Variants in ANGPT1 observed in about 807,000 individuals in gnomAD.
ANGPT1 encodes the protein angiopoietin-1.
Under a neutral mutation model 62.2 loss-of-function variants are expected in ANGPT1, and 17 were observed. The observed-to-expected ratio is 0.27, with a 90% CI of 0.19 to 0.41. The LOEUF (loss-of-function observed/expected upper bound fraction) is 0.41. ANGPT1 is among the 10% of genes least tolerant of loss of function. ANGPT1 has a pLI of 1.00. For missense variants in ANGPT1, 478 were observed against 594.9 expected, an observed-to-expected ratio of 0.80 and a Z score of 2.04; for synonymous variants, 199 against 198.9, an observed-to-expected ratio of 1.00 and a Z score of 0.00.
chr8:107,384,356 A>G (rs1199122237), intron 1 of ANGPT1, among the ~76,000 whole-genome samples: 1 of 152,162 alleles, frequency 6.6e-6, no homozygotes, highest in Non-Finnish European at 1.5e-5. Flanking sequence ...GAAAAATAAC[A>G]TCTAACTTTC....
chr8:107,480,477 A>C (rs550001361), intron 1 of ANGPT1, among the ~76,000 whole-genome samples: 15 of 152,332 alleles, frequency 9.8e-5, no homozygotes, highest in African/African-American at 3.4e-4. Flanking sequence ...CTCCAAAGTA[A>C]TCAGCAGTTT....
chr8:107,313,903 TGA>T (rs2130028833), intron 4 of ANGPT1, among the ~76,000 whole-genome samples: 1 of 152,354 alleles, frequency 6.6e-6, no homozygotes, highest in East Asian at 1.9e-4. Context: ...AAAAATTTCA[TGA>T]GGTCTTCACT....
intron 2 of ANGPT1, among the ~76,000 whole-genome samples, chr8:107,344,194 G>A (rs776367482): frequency 6.6e-6 from 1 of 152,136 alleles, no homozygotes; most frequent in East Asian, 1.9e-4. Context: ...ATTATTAGAG[G>A]CAAATTTTAA....
Position 107,406,083 on chromosome 8 carries a change from TTAA to T in ANGPT1, c.298-58989_298-58987del, listed in dbSNP as rs557163779. ...TTAAAATAGTTTTTAATCTTTTTCA[TTAA>T]TAATTAAAATATAATATGTAATTGG... On this transcript the variant is annotated intron_variant, in intron 1 of 8. Transcript: ENST00000517746. Among the ~76,000 whole-genome samples, 292 of 152,062 alleles carry T rather than the reference TTAA, an allele frequency of 1.9e-3. 1 individual carries two copies. Among genetic ancestry groups the T allele is most frequent in the African/African-American group, 6.5e-3 (271 of 41,576 alleles).
chr8:107,404,314 A>G (rs1817103397), intron 1 of ANGPT1, among the ~76,000 whole-genome samples: 2 of 152,162 alleles, frequency 1.3e-5, no homozygotes, highest in South Asian at 4.1e-4. Context: ...CAAACACCAT[A>G]GAAGAATAAA....
At chr8:107,386,367 T>C (rs976379651) in intron 1 of ANGPT1, among the ~76,000 whole-genome samples, 1 of 152,018 alleles carries the variant, frequency 6.6e-6, no homozygotes, top group African/African-American at 2.4e-5. Flanking sequence ...GTAACAAACC[T>C]GCATGTTGTA....
chr8:107,430,368 T>C (rs1811150367), intron 1 of ANGPT1, among the ~76,000 whole-genome samples: 2 of 152,214 alleles, frequency 1.3e-5, no homozygotes, highest in Non-Finnish European at 2.9e-5. Flanking sequence ...CTGCAGCACC[T>C]TGTCACATTT....
At chr8:107,314,984 A>G (rs533603702) in intron 4 of ANGPT1, among the ~76,000 whole-genome samples, 1 of 152,330 alleles carries the variant, frequency 6.6e-6, no homozygotes, top group South Asian at 2.1e-4. Context: ...CAACAGACAC[A>G]ACATGGGAGG....
At chr8:107,451,584 A>G (rs1443426837) in intron 1 of ANGPT1, among the ~76,000 whole-genome samples, 1 of 152,022 alleles carries the variant, frequency 6.6e-6, no homozygotes, top group East Asian at 1.9e-4. Flanking sequence ...CAAAGTGACT[A>G]AAATGGATGA....
chr8:107,443,819 C>CA (rs34247379), intron 1 of ANGPT1, among the ~76,000 whole-genome samples: 70 of 136,142 alleles, frequency 5.1e-4, no homozygotes, highest in South Asian at 1.2e-3. Flanking sequence ...AACTATGTCT[C>CA]AAAAAAAAAA....
intron 1 of ANGPT1, among the ~76,000 whole-genome samples, chr8:107,485,390 C>G (rs1222011010): frequency 6.6e-6 from 1 of 152,074 alleles, no homozygotes; most frequent in Non-Finnish European, 1.5e-5. Flanking sequence ...CTTTGGGTCT[C>G]TATGGAGAAG....
At chr8:107,486,335 C>T (rs1448120032) in intron 1 of ANGPT1, among the ~76,000 whole-genome samples, 1 of 152,132 alleles carries the variant, frequency 6.6e-6, no homozygotes, top group Non-Finnish European at 1.5e-5. Flanking sequence ...TTAACTACTG[C>T]GTAATCCTGG....
At chr8:107,382,646 A>G (rs771463750) in intron 1 of ANGPT1, among the ~76,000 whole-genome samples, 3 of 152,140 alleles carry the variant, frequency 2.0e-5, no homozygotes, top group Non-Finnish European at 2.9e-5. Context: ...GAGCTGGGAA[A>G]AAAAAATGTG....
chr8:107,463,515 G>T (rs770178405), intron 1 of ANGPT1, among the ~76,000 whole-genome samples: 48 of 151,998 alleles, frequency 3.2e-4, no homozygotes, highest in Non-Finnish European at 6.5e-4. Flanking sequence ...GTTCATCTAG[G>T]ATCAACAAGC....
intron 1 of ANGPT1, among the ~76,000 whole-genome samples, chr8:107,366,111 T>C (rs1018761975): frequency 9.2e-5 from 14 of 152,210 alleles, no homozygotes; most frequent in African/African-American, 3.4e-4. Context: ...TGGAAATTGA[T>C]GCTCAAAATA....
At chr8:107,345,503 TAAAC>T (rs1239332003) in intron 2 of ANGPT1, among the ~76,000 whole-genome samples, 1 of 152,104 alleles carries the variant, frequency 6.6e-6, no homozygotes, top group Non-Finnish European at 1.5e-5. Context: ...ATAAAAAAAT[TAAAC>T]AAGACTCTGC....
intron 8 of ANGPT1, among the ~76,000 whole-genome samples, chr8:107,253,810 A>G (rs1393802013): frequency 1.3e-5 from 2 of 152,190 alleles, no homozygotes; most frequent in Non-Finnish European, 2.9e-5. Context: ...AAAACTTAGG[A>G]AAGAGACAAG....
At chr8:107,316,763 T>G (rs1346404630) in intron 4 of ANGPT1, among the ~76,000 whole-genome samples, 1 of 152,182 alleles carries the variant, frequency 6.6e-6, no homozygotes, top group African/African-American at 2.4e-5. Context: ...TCCCATGACT[T>G]CTGGAAAATA....
chr8:107,296,782 C>T lies in ANGPT1; in HGVS notation c.937-2745G>A, dbSNP rs76609560. Among the ~76,000 whole-genome samples, 1,021 of 152,196 alleles carry T rather than the reference C, an allele frequency of 6.7e-3. 7 individuals carry two copies. Among genetic ancestry groups the T allele is most frequent in the Non-Finnish European group, 8.4e-3 (569 of 67,986 alleles). On this transcript the variant is annotated intron_variant, in intron 5 of 8. Coordinates refer to ENST00000517746, the MANE Select transcript of ANGPT1 (RefSeq NM_001146.5). ...TCAAATTTTTATTTCCTAATGGACACTGATTGCCTGAAAGTTTGCCAAGTT... is the reference window on the plus strand; with the variant it reads ...TCAAATTTTTATTTCCTAATGGACATTGATTGCCTGAAAGTTTGCCAAGTT...
Sources: gnomAD v4.1 joint callset for allele counts (sites outside exome capture counted in the v4.1 genomes callset) on GRCh38, gnomAD v4.1.1 for gene constraint, MANE v1.5 for transcripts, NCBI Gene and HGNC (gene_info 2026-07-23, HGNC 2026-07-21) for gene names.